The following NMNAT2 variants were observed in gnomAD, a reference collection of about 807,000 sequenced individuals.
NMNAT2 encodes nicotinamide nucleotide adenylyltransferase 2, also known as nicotinamide/nicotinic acid mononucleotide adenylyltransferase 2.
NMNAT2 carries 11 observed loss-of-function variants against 41.6 expected under a neutral mutation model. The observed-to-expected ratio is 0.26, with a 90% CI of 0.17 to 0.44. The LOEUF is 0.44. Among genes scored for constraint, NMNAT2 ranks in the 20% least tolerant of loss-of-function variants. The pLI is 1.00. For missense variants in NMNAT2, 288 were observed against 407.7 expected (o/e 0.71, Z 2.53); for synonymous variants, 148 against 151.2 (o/e 0.98, Z 0.16).
At chr1:183,343,416 T>A (rs916490901) in intron 1 of NMNAT2, among the ~76,000 whole-genome samples, 7 of 152,212 alleles carry the variant, frequency 4.6e-5, no homozygotes, top group Admixed American at 2.0e-4. Flanking sequence ...CCATCCCATC[T>A]CCAGTTGCTT....
intron 8 of NMNAT2, among the ~76,000 whole-genome samples, chr1:183,262,230 C>CA (rs1032795498): frequency 9.2e-5 from 14 of 151,736 alleles, no homozygotes; most frequent in Non-Finnish European, 1.9e-4. Flanking sequence ...TGTACCTAGC[C>CA]AAAACCTTCT....
intron 1 of NMNAT2, among the ~76,000 whole-genome samples, chr1:183,349,983 C>T (rs893487068): frequency 3.9e-5 from 6 of 152,180 alleles, no homozygotes; most frequent in African/African-American, 1.4e-4. Context: ...TCTGAGGCTC[C>T]AGAGTTAGGC....
At chr1:183,359,756 A>C (rs1166860074) in intron 1 of NMNAT2, among the ~76,000 whole-genome samples, 2 of 152,204 alleles carry the variant, frequency 1.3e-5, no homozygotes, top group African/African-American at 4.8e-5. Context: ...CGTGTGGCTC[A>C]GAGTCCAGTG....
intron 1 of NMNAT2, among the ~76,000 whole-genome samples, chr1:183,330,836 C>G (rs535292988): frequency 6.6e-6 from 1 of 152,316 alleles, no homozygotes; most frequent in African/African-American, 2.4e-5. Flanking sequence ...AATGTCCTTT[C>G]AGATATCTAG....
At chr1:183,410,157 C>CAA (rs57169849) in intron 1 of NMNAT2, among the ~76,000 whole-genome samples, 1,965 of 128,648 alleles carry the variant, frequency 0.015, 51 homozygotes, top group African/African-American at 0.054. Flanking sequence ...AAAATAATAC[C>CAA]AAAAAAAAAA....
At chr1:183,386,656 A>C (rs940218032) in intron 1 of NMNAT2, among the ~76,000 whole-genome samples, 1 of 152,154 alleles carries the variant, frequency 6.6e-6, no homozygotes, top group Non-Finnish European at 1.5e-5. Context: ...AGGTCATACT[A>C]TCTTTCTATA....
intron 1 of NMNAT2, among the ~76,000 whole-genome samples, chr1:183,306,058 C>T (rs1257823957): frequency 2.0e-5 from 3 of 152,154 alleles, no homozygotes; most frequent in African/African-American, 7.2e-5. Flanking sequence ...TCTTCCCTCT[C>T]TACTTCCTCT....
chr1:183,290,232 C>T, intron 3 of NMNAT2, 26 bp from the exon 4 acceptor site: 1 of 1,537,052 alleles, frequency 6.5e-7, no homozygotes, highest in South Asian at 1.2e-5. Flanking sequence ...AGAAGTTTCC[C>T]TTGGTTTCTG....
At chr1:183,319,133 A>G (rs915392399) in intron 1 of NMNAT2, among the ~76,000 whole-genome samples, 2 of 152,070 alleles carry the variant, frequency 1.3e-5, no homozygotes, top group African/African-American at 4.8e-5. Flanking sequence ...AGAAGTCAAG[A>G]TTGCTGAGCC....
intron 1 of NMNAT2, among the ~76,000 whole-genome samples, chr1:183,374,988 G>A (rs543633321): frequency 1.4e-4 from 21 of 152,260 alleles, no homozygotes; most frequent in Non-Finnish European, 2.6e-4. Flanking sequence ...GACATTCATC[G>A]ATCCCTAAAT....
intron 1 of NMNAT2, among the ~76,000 whole-genome samples, chr1:183,416,119 G>C (rs1027107572): frequency 6.6e-6 from 1 of 152,180 alleles, no homozygotes; most frequent in Non-Finnish European, 1.5e-5. Flanking sequence ...GAAGCTCATG[G>C]AGAATTGGCA....
chr1:183,389,941 T>G (rs1375885845), intron 1 of NMNAT2, among the ~76,000 whole-genome samples: 1 of 150,842 alleles, frequency 6.6e-6, no homozygotes, highest in Non-Finnish European at 1.5e-5. Flanking sequence ...GTTAGTTCTC[T>G]CTTTGTCCTT....
chr1:183,329,357 A>G (rs1662532545), intron 1 of NMNAT2, among the ~76,000 whole-genome samples: 1 of 152,212 alleles, frequency 6.6e-6, no homozygotes, highest in African/African-American at 2.4e-5. Flanking sequence ...AGGAAATAGG[A>G]TATTTTAAAT....
chr1:183,366,971 T>C (rs1008421033), intron 1 of NMNAT2, among the ~76,000 whole-genome samples: 2 of 152,200 alleles, frequency 1.3e-5, no homozygotes, highest in Non-Finnish European at 2.9e-5. Context: ...AACCACTCTT[T>C]ATGCTCCCAG....
chr1:183,323,462 G>C (rs1322176407), intron 1 of NMNAT2, among the ~76,000 whole-genome samples: 1 of 152,172 alleles, frequency 6.6e-6, no homozygotes, highest in Non-Finnish European at 1.5e-5. Flanking sequence ...TGTCTTGTTT[G>C]GGCAACCAAA....
intron 1 of NMNAT2, among the ~76,000 whole-genome samples, chr1:183,370,211 A>G (rs926538190): frequency 1.5e-5 from 2 of 136,308 alleles, no homozygotes; most frequent in East Asian, 2.2e-4. Context: ...TCCTACCACT[A>G]CTATCAACAC....
chr1:183,382,985 A>C (rs915040510), intron 1 of NMNAT2, among the ~76,000 whole-genome samples: 3 of 152,206 alleles, frequency 2.0e-5, no homozygotes, highest in Non-Finnish European at 4.4e-5. Flanking sequence ...ACATTGCCCT[A>C]GTAGAGGTTC....
chr1:183,312,607 C>G (rs1662149842), intron 1 of NMNAT2, among the ~76,000 whole-genome samples: 1 of 151,602 alleles, frequency 6.6e-6, no homozygotes, highest in Admixed American at 6.6e-5. Context: ...GTTTGTCAAG[C>G]TCATCTTTTT....
chr1:183,348,154 C>T (rs1662971891), intron 1 of NMNAT2, among the ~76,000 whole-genome samples: 1 of 152,132 alleles, frequency 6.6e-6, no homozygotes, highest in Non-Finnish European at 1.5e-5. Flanking sequence ...GTGATACTCT[C>T]CTTTTCAATT....
Sources: allele counts gnomAD v4.1 joint callset (sites outside exome capture counted in the v4.1 genomes callset), GRCh38; gene constraint gnomAD v4.1.1; transcripts MANE v1.5; gene names NCBI Gene and HGNC (gene_info 2026-07-23, HGNC 2026-07-21).